EPN1: variants seen among roughly 807,000 people sequenced by gnomAD.
The protein encoded by EPN1 is epsin 1.
EPN1 carries 25 observed loss-of-function variants against 56.9 expected under a neutral mutation model. The ratio of observed to expected loss-of-function variants is 0.44; its 90% CI spans 0.32 to 0.61. The LOEUF (loss-of-function observed/expected upper bound fraction) is 0.61, where lower values mean the gene tolerates loss of function less well. Among genes scored for constraint, EPN1 ranks in the 20% least tolerant of loss-of-function variants. The probability of loss-of-function intolerance (pLI) is 0.05; values close to 1 mark genes in which losing one functional copy is unlikely to be tolerated. For missense variants in EPN1, 785 were observed against 823.7 expected (o/e 0.95, Z 0.58); for synonymous variants, 411 against 361.8 (o/e 1.14, Z -1.54).
At chr19:55,693,967 G>A (rs1986746145) in intron 9 of EPN1, among the ~76,000 whole-genome samples, 1 of 152,090 alleles carries the variant, frequency 6.6e-6, no homozygotes, top group Admixed American at 6.6e-5. Context: ...TGTAATCCCA[G>A]CACTTTGGAA....
Position 55,698,990 on chromosome 19 carries a change from T to G in EPN1, c.*3634T>G, listed in dbSNP as rs963049855. The G allele has an allele frequency of 5.3e-5, 8 of 152,218 alleles. No homozygotes were observed. Among genetic ancestry groups the G allele is most frequent in the African/African-American group, 1.9e-4 (8 of 41,450 alleles). 9.4% of individuals were successfully genotyped at this position (152,218 alleles called of 1,614,324 possible). On this transcript the variant is annotated 3_prime_UTR_variant, in exon 11 of 11. Coordinates refer to ENST00000270460, the MANE Select transcript of EPN1 (RefSeq NM_001130072.2). ...CGATCTCCTGACCTCGTGATCCGCC[T>G]GCCTCGGCCTCCCAAAGTGCTGGGA...
chr19:55,707,184 C>CA lies in EPN1; in HGVS notation c.*11843dup, dbSNP rs563670194. 8,553 of 108,786 alleles carry CA rather than the reference C, an allele frequency of 0.079. 311 individuals are homozygous for CA. Among genetic ancestry groups the CA allele is most frequent in the African/African-American group, 0.14 (4,130 of 29,492 alleles). The allele number at this position is 108,786 out of a possible 1,614,324, so 6.7% of individuals were successfully genotyped here. ...CGAGCAACAGAGTGAGGCTGTCTCT[C>CA]AAAAAAAAAAAAAAAGGAACGGTAG... On this transcript the variant is annotated 3_prime_UTR_variant, in exon 11 of 11. Transcript: ENST00000270460.
rs997323413 is a variant in EPN1 at position 55,705,776 on chromosome 19, T to C, written c.*10420T>C. 1.1e-4 allele frequency: 16 copies of C among 145,728 alleles called. No individual in the cohort carries two copies. The highest frequency in any genetic ancestry group is 4.1e-4 in the African/African-American group (16 of 38,688). The allele number at this position is 145,728 out of a possible 1,614,324, so 9.0% of individuals were successfully genotyped here. ...AGGTCAGGTTCTTCAACAGTCATAC[T>C]GACATTGTGGCTGGAATATTTGTTG... On this transcript the variant is annotated 3_prime_UTR_variant, in exon 11 of 11. Transcript: ENST00000270460.
In EPN1 at chr19:55,706,830, G is replaced by A. The variant is rs1262542365; in HGVS notation, c.*11474G>A. The A allele has an allele frequency of 6.6e-6, 1 of 152,158 alleles. No individual in the cohort carries two copies. The highest frequency in any genetic ancestry group is 1.5e-5 in the Non-Finnish European group (1 of 68,056). The allele number at this position is 152,158 out of a possible 1,614,324, so 9.4% of individuals were successfully genotyped here. A position where few individuals can be genotyped will look rare whatever the true frequency, so the allele number is the denominator to read the frequency against. ...GAAGTGGGAGGATCACTTGAAGCCA[G>A]GAGTACCAGACCAGCCTGGGAAACA... On this transcript the variant is annotated 3_prime_UTR_variant, in exon 11 of 11. Transcript: ENST00000270460.
intron 2 of EPN1, among the ~76,000 whole-genome samples, chr19:55,684,659 G>T (rs1367463536): frequency 6.6e-6 from 1 of 152,138 alleles, no homozygotes; most frequent in Non-Finnish European, 1.5e-5. Flanking sequence ...TTCCCTTCTT[G>T]CAGAGGTGAT....
intron 2 of EPN1, among the ~76,000 whole-genome samples, chr19:55,683,327 T>G (rs2122177816): frequency 6.6e-6 from 1 of 151,904 alleles, no homozygotes. Flanking sequence ...AATGGTAAGA[T>G]TATAGGTGGG....
chr19:55,689,151 T>A lies in EPN1; in HGVS notation c.604-146T>A. 1.7e-6 allele frequency: 2 copies of A among 1,167,936 alleles called. No individual in the cohort carries two copies. The highest frequency in any genetic ancestry group is 2.4e-6 in the Non-Finnish European group (2 of 835,112). 72.3% of individuals were successfully genotyped at this position (1,167,936 alleles called of 1,614,324 possible). ...GTCCTGCCTCATCCTCACCCCGCCG[T>A]CCCTCTGCGTGTCACTCTCTGCCTG... On this transcript the variant is annotated intron_variant, in intron 4 of 10. Transcript: ENST00000270460. The surrounding 1 kb of genome is among the most constrained non-coding windows in gnomAD (Gnocchi z 5.7).
In EPN1 at chr19:55,695,554, G is replaced by A; in HGVS notation, c.*198G>A. On this transcript the variant is annotated 3_prime_UTR_variant, in exon 11 of 11. Transcript: ENST00000270460. This position sits in a 1 kb window ranked among gnomAD's most constrained non-coding sequence, Gnocchi z 4.4. ...AACTGGACATGGGGCCTGGGGAGGG[G>A]AGCTGGCCAGAGGAGGACCCCTTTC... The A allele has an allele frequency of 1.7e-6, 1 of 579,144 alleles. No individual in the cohort carries two copies. Among genetic ancestry groups the A allele is most frequent in the Non-Finnish European group, 3.1e-6 (1 of 326,208 alleles). The allele number at this position is 579,144 out of a possible 1,614,324, so 35.9% of individuals were successfully genotyped here. A position where few individuals can be genotyped will look rare whatever the true frequency, so the allele number is the denominator to read the frequency against.
Position 55,681,711 on chromosome 19 carries a change from C to G in EPN1, c.228+2856C>G, listed in dbSNP as rs148828335. ...ATGTCCTTGATAAAGCTGTCTTTAACATTAAGAAGGACTATCATTTTATGC... is the reference window on the plus strand; with the variant it reads ...ATGTCCTTGATAAAGCTGTCTTTAAGATTAAGAAGGACTATCATTTTATGC... On this transcript the variant is annotated intron_variant, in intron 2 of 10. Coordinates refer to ENST00000270460, the MANE Select transcript of EPN1 (RefSeq NM_001130072.2). Among the ~76,000 whole-genome samples, 1,058 of 152,232 alleles carry G rather than the reference C, an allele frequency of 6.9e-3. 3 individuals are homozygous for G. Among genetic ancestry groups the G allele is most frequent in the Non-Finnish European group, 0.012 (799 of 68,030 alleles).
chr19:55,681,403 C>T (rs1985811237), intron 2 of EPN1, among the ~76,000 whole-genome samples: 1 of 152,212 alleles, frequency 6.6e-6, no homozygotes, highest in Non-Finnish European at 1.5e-5. Flanking sequence ...GCCCCGAGCC[C>T]ACCCTCTGGG....
At chr19:55,688,606 C>G (rs1986319642) in intron 3 of EPN1, among the ~76,000 whole-genome samples, 1 of 152,158 alleles carries the variant, frequency 6.6e-6, no homozygotes, top group Admixed American at 6.5e-5. Flanking sequence ...TCCCCACCTG[C>G]TTATCAGACT....
Position 55,697,814 on chromosome 19 carries a change from G to T in EPN1, c.*2458G>T, listed in dbSNP as rs1037308292. On this transcript the variant is annotated 3_prime_UTR_variant, in exon 11 of 11. Transcript: ENST00000270460. ...ATACACGGTTGAACGCTGGGAGAAT[G>T]CTGGGAGCCTGCTGTTGTCCCCGAT... is the stretch of plus-strand genomic sequence containing the variant. 6.6e-6 allele frequency: 1 copy of T among 152,196 alleles called. No homozygotes were observed. The highest frequency in any genetic ancestry group is 1.5e-5 in the Non-Finnish European group (1 of 68,062). The allele number at this position is 152,196 out of a possible 1,614,324, so 9.4% of individuals were successfully genotyped here.
rs1987152591 is a variant in EPN1 at position 55,701,778 on chromosome 19, A to T, written c.*6422A>T. 6.6e-6 allele frequency: 1 copy of T among 151,776 alleles called. No homozygotes were observed. Among genetic ancestry groups the T allele is most frequent in the Non-Finnish European group, 1.5e-5 (1 of 68,048 alleles). The allele number at this position is 151,776 out of a possible 1,614,324, so 9.4% of individuals were successfully genotyped here. ...AGCAGGAGTTTAATAGGCAAAAGGA[A>T]GAAACAGCTCTGTCACAGAGACGGG... On this transcript the variant is annotated 3_prime_UTR_variant, in exon 11 of 11. Coordinates refer to ENST00000270460, the MANE Select transcript of EPN1 (RefSeq NM_001130072.2).
intron 1 of EPN1, among the ~76,000 whole-genome samples, chr19:55,675,968 C>T (rs969087691): frequency 6.6e-6 from 1 of 152,164 alleles, no homozygotes; most frequent in African/African-American, 2.4e-5. Context: ...CCCTTTTCCC[C>T]AGTTTTCTGA....
rs1380929960 is a variant in EPN1, at chr19:55,699,685, T to C, written c.*4329T>C. ...TACTATCTGGCTCTTCAACAAAAAG[T>C]GTGCTGACCCCCGGTGATTGCTTGT... On this transcript the variant is annotated 3_prime_UTR_variant, in exon 11 of 11. Transcript: ENST00000270460. The C allele has an allele frequency of 6.6e-6, 1 of 152,222 alleles. No homozygotes were observed. The highest frequency in any genetic ancestry group is 2.4e-5 in the African/African-American group (1 of 41,464). 9.4% of individuals were successfully genotyped at this position (152,222 alleles called of 1,614,324 possible). A position where few individuals can be genotyped will look rare whatever the true frequency, so the allele number is the denominator to read the frequency against.
chr19:55,686,910 C>T (rs1036446568), intron 3 of EPN1, among the ~76,000 whole-genome samples: 3 of 151,886 alleles, frequency 2.0e-5, no homozygotes, highest in Admixed American at 1.3e-4. Context: ...GAGGGTGGGA[C>T]ATCCTGGCTC....
chr19:55,702,644 T>TTTTG lies in EPN1; in HGVS notation c.*7291_*7294dup, dbSNP rs1450776788. ...GAAAGGGAGCAATTTCTAAGCTGCT[T>TTTTG]TTTGTTAGGAAGTTTTTTGCTGGGG... On this transcript the variant is annotated 3_prime_UTR_variant, in exon 11 of 11. Coordinates refer to ENST00000270460, the MANE Select transcript of EPN1 (RefSeq NM_001130072.2). 2.0e-5 allele frequency: 3 copies of TTTTG among 152,164 alleles called. No individual in the cohort carries two copies. The highest frequency in any genetic ancestry group is 6.5e-5 in the Admixed American group (1 of 15,274). 9.4% of individuals were successfully genotyped at this position (152,164 alleles called of 1,614,324 possible).
rs780259284 is a variant in EPN1, at chr19:55,691,832, C to G, written c.841C>G (p.Pro281Ala). Residue 281 changes from proline to alanine, a missense_variant, in exon 7 of 11, where the codon CCC becomes GCC. By Grantham distance (27) the Pro-to-Ala change is conservative (BLOSUM62 -1). This residue lies in a region of EPN1 where 650 missense variants were observed against 605.0 expected (regional missense o/e 1.07). Coordinates refer to ENST00000270460, the MANE Select transcript of EPN1 (RefSeq NM_001130072.2). The surrounding 1 kb of genome is among the most constrained non-coding windows in gnomAD (Gnocchi z 5.6). ...PTTDPWGGPA[P>A]MAAAVPTAAP... ...CACAGACCCCTGGGGGGGCCCAGCACCCATGGCTGCTGCCGTCCCCACGGC... is the reference window on the plus strand; with the variant it reads ...CACAGACCCCTGGGGGGGCCCAGCAGCCATGGCTGCTGCCGTCCCCACGGC... 25 of 1,608,384 alleles carry G rather than the reference C, an allele frequency of 1.6e-5. No homozygotes were observed. The highest frequency in any genetic ancestry group is 2.0e-5 in the Non-Finnish European group (24 of 1,176,830).
intron 3 of EPN1, among the ~76,000 whole-genome samples, chr19:55,688,309 G>A (rs1986300014): frequency 6.6e-6 from 1 of 152,052 alleles, no homozygotes; most frequent in African/African-American, 2.4e-5. Context: ...GTCCGGCCCT[G>A]CCTTCCTGTG....
Sources: allele counts gnomAD v4.1 joint callset (sites outside exome capture counted in the v4.1 genomes callset), GRCh38; gene constraint gnomAD v4.1.1; regional missense constraint gnomAD v4.1.1; non-coding constraint Gnocchi (gnomAD v3.1); transcripts MANE v1.5; gene names NCBI Gene and HGNC (gene_info 2026-07-23, HGNC 2026-07-21).